The following FRMPD4 variants were observed in gnomAD, a reference collection of about 807,000 sequenced individuals.
The protein encoded by FRMPD4 is FERM and PDZ domain-containing protein 4.
A neutral mutation model predicts 94.1 loss-of-function variants in FRMPD4; 22 were observed. That is an observed-to-expected ratio of 0.23 (90% CI 0.17 to 0.33). FRMPD4 has a LOEUF of 0.33. Ranked by LOEUF, FRMPD4 falls within the 10% of genes least tolerant of loss-of-function variation. The probability of loss-of-function intolerance (pLI) is 1.00; values close to 1 mark genes in which losing one functional copy is unlikely to be tolerated. For synonymous variants in FRMPD4, 631 were observed against 548.6 expected (o/e 1.15, Z -2.10); for missense variants, 1,111 against 1,339.9 (o/e 0.83, Z 2.67).
intron 1 of FRMPD4, among the ~76,000 whole-genome samples, chrX:11,847,699 G>T (rs2053586603): frequency 9.1e-6 from 1 of 110,313 alleles, no homozygotes; most frequent in Non-Finnish European, 1.9e-5. Context: ...ATACTATGTA[G>T]CCATAAAAAA....
At position 12,165,482 on chromosome X, in the gene FRMPD4, G is replaced by A. The variant is rs372726041; in HGVS notation, c.41+26470G>A. ...GTAGTATAGTTTGAAGTCAGGTAGT[G>A]TGATGCCTCCAGCTTTGTTCTTTTG... On this transcript the variant is annotated intron_variant, in intron 1 of 16. Transcript: ENST00000675598. Among the ~76,000 whole-genome samples the A allele has an allele frequency of 5.4e-5, 6 of 111,817 alleles. No homozygotes were observed. The East Asian group carries it at 1.1e-3, about 21-fold the overall frequency.
chrX:12,037,931 G>GT lies in FRMPD4; in HGVS notation c.95+159916dup, dbSNP rs756305862. 2.4e-3 allele frequency among the ~76,000 whole-genome samples: 266 copies of GT among 111,858 alleles called. 1 individual carries two copies. Among genetic ancestry groups the GT allele is most frequent in the African/African-American group, 7.5e-3 (231 of 30,800 alleles). On this transcript the variant is annotated intron_variant, in intron 3 of 18. Transcript: ENST00000640291. ...ATGATCTTATTCTTTTCTATGATGA[G>GT]TTTCAGCCAGTTTTTGTGTGTATCA...
chrX:12,413,118 CGG>C (rs917549867), intron 1 of FRMPD4, among the ~76,000 whole-genome samples: 3 of 111,569 alleles, frequency 2.7e-5, no homozygotes, highest in Admixed American at 9.5e-5. Flanking sequence ...CTCTGCATCT[CGG>C]AGGGATTTTT....
chrX:12,159,434 G>C (rs1335339812), intron 1 of FRMPD4, among the ~76,000 whole-genome samples: 1 of 112,103 alleles, frequency 8.9e-6, no homozygotes, highest in East Asian at 2.8e-4. Flanking sequence ...GGAGTTCCAA[G>C]AGCTTTCTTT....
intron 3 of FRMPD4, among the ~76,000 whole-genome samples, chrX:12,070,103 C>G (rs1395015375): frequency 1.8e-5 from 2 of 110,421 alleles, no homozygotes; most frequent in Non-Finnish European, 3.8e-5. Flanking sequence ...TTGAATGCAG[C>G]TAGCAATGAT....
At chrX:12,169,271 G>T (rs1280747033) in intron 1 of FRMPD4, among the ~76,000 whole-genome samples, 6 of 111,714 alleles carry the variant, frequency 5.4e-5, no homozygotes, top group African/African-American at 2.0e-4. Flanking sequence ...TAGTTTTCTG[G>T]ACTGGAGGAA....
intron 1 of FRMPD4, among the ~76,000 whole-genome samples, chrX:12,162,983 T>G (rs942085147): frequency 1.1e-4 from 12 of 111,750 alleles, no homozygotes; most frequent in Non-Finnish European, 7.5e-5. Flanking sequence ...ATAAGAAGTT[T>G]CCTTCATCTT....
chrX:12,126,447 T>G (rs2055500956), intron 3 of FRMPD4, among the ~76,000 whole-genome samples: 1 of 111,542 alleles, frequency 9.0e-6, no homozygotes, highest in African/African-American at 3.3e-5. Context: ...GAGGTAGATT[T>G]TAGTGTCTTA....
chrX:12,478,296 C>T (rs923254651), intron 1 of FRMPD4, among the ~76,000 whole-genome samples: 1 of 111,527 alleles, frequency 9.0e-6, no homozygotes, highest in Admixed American at 9.5e-5. Flanking sequence ...CAGAGTAGGC[C>T]GGGCGTGGTG....
intron 1 of FRMPD4, among the ~76,000 whole-genome samples, chrX:12,320,615 T>C (rs1417990912): frequency 2.7e-5 from 3 of 111,944 alleles, no homozygotes; most frequent in Non-Finnish European, 5.6e-5. Context: ...AAACTGGGAC[T>C]CCAGGTAGGT....
chrX:12,436,853 A>G (rs1482221233), intron 1 of FRMPD4, among the ~76,000 whole-genome samples: 2 of 111,343 alleles, frequency 1.8e-5, no homozygotes, highest in Non-Finnish European at 3.8e-5. Context: ...CGGTTTACTT[A>G]TCTTTGCTAT....
chrX:12,089,845 G>A (rs1245247880), intron 3 of FRMPD4, among the ~76,000 whole-genome samples: 2 of 111,980 alleles, frequency 1.8e-5, no homozygotes, highest in Non-Finnish European at 3.8e-5. Flanking sequence ...ATACATGTGA[G>A]AAGCCTAAGT....
intron 1 of FRMPD4, among the ~76,000 whole-genome samples, chrX:12,297,412 C>A (rs1230677869): frequency 3.6e-5 from 4 of 109,808 alleles, no homozygotes; most frequent in Admixed American, 3.0e-4. Flanking sequence ...ATAACAGAAT[C>A]ATGGGAAGGA....
intron 1 of FRMPD4, among the ~76,000 whole-genome samples, chrX:12,270,855 A>T (rs1447241345): frequency 9.0e-6 from 1 of 111,492 alleles, no homozygotes; most frequent in Non-Finnish European, 1.9e-5. Context: ...AGCAGTGTCA[A>T]TTTTCTGGTT....
chrX:12,549,911 A>G (rs1001655805), intron 2 of FRMPD4, among the ~76,000 whole-genome samples: 6 of 112,379 alleles, frequency 5.3e-5, no homozygotes, highest in Non-Finnish European at 9.4e-5. Context: ...ATTGGACACC[A>G]TAACAGTTTT....
At chrX:11,882,651 A>G (rs2053820481) in intron 3 of FRMPD4, among the ~76,000 whole-genome samples, 1 of 112,127 alleles carries the variant, frequency 8.9e-6, no homozygotes, top group Admixed American at 9.5e-5. Context: ...TATATGAAAC[A>G]TAAATGAATT....
At chrX:12,663,144 A>G (rs62590590) in intron 4 of FRMPD4, among the ~76,000 whole-genome samples, 34,871 of 110,901 alleles carry the variant, frequency 0.31, 4,684 homozygotes, top group Non-Finnish European at 0.43. Flanking sequence ...TTCTTCCACT[A>G]TGTAGGTTGC....
intron 1 of FRMPD4, among the ~76,000 whole-genome samples, chrX:12,423,123 T>C (rs1601927214): frequency 9.0e-6 from 1 of 111,017 alleles, no homozygotes; most frequent in South Asian, 3.9e-4. Context: ...ATTTTCTGGC[T>C]TTGGAAGAGC....
chrX:12,640,675 G>A (rs1299344579), intron 4 of FRMPD4, among the ~76,000 whole-genome samples: 2 of 112,263 alleles, frequency 1.8e-5, no homozygotes, highest in Admixed American at 1.9e-4. Flanking sequence ...TATGTTCCCA[G>A]TATGGCCTTG....
Sources: gnomAD v4.1 joint callset for allele counts (sites outside exome capture counted in the v4.1 genomes callset) on GRCh38, gnomAD v4.1.1 for gene constraint, MANE v1.5 for transcripts, NCBI Gene and HGNC (gene_info 2026-07-23, HGNC 2026-07-21) for gene names.